The following DPYSL3 variants were observed in gnomAD, a reference collection of about 807,000 sequenced individuals.
DPYSL3 encodes the protein dihydropyrimidinase like 3, also known as dihydropyrimidinase-related protein 3.
A neutral mutation model predicts 66.1 loss-of-function variants in DPYSL3; 16 were observed. The ratio of observed to expected loss-of-function variants is 0.24; its 90% CI spans 0.16 to 0.37. The LOEUF is 0.37. DPYSL3 is among the 10% of genes least tolerant of loss of function. DPYSL3 has a pLI of 1.00. For synonymous variants in DPYSL3, 338 were observed against 345.1 expected (o/e 0.98, Z 0.23); for missense variants, 738 against 916.2 (o/e 0.81, Z 2.51).
At chr5:147,394,334 G>A (rs1300735718) in intron 13 of DPYSL3, among the ~76,000 whole-genome samples, 2 of 152,188 alleles carry the variant, frequency 1.3e-5, no homozygotes, top group Non-Finnish European at 2.9e-5. Flanking sequence ...GAAAAGCCAA[G>A]TTCTTATCTA....
chr5:147,487,529 G>C (rs775164311), intron 1 of DPYSL3, among the ~76,000 whole-genome samples: 2 of 152,066 alleles, frequency 1.3e-5, no homozygotes, highest in Non-Finnish European at 2.9e-5. Context: ...TTTTATTCAA[G>C]ACCAGGAGTT....
At chr5:147,465,924 C>T (rs1753002418) in intron 1 of DPYSL3, among the ~76,000 whole-genome samples, 4 of 152,188 alleles carry the variant, frequency 2.6e-5, no homozygotes, top group Admixed American at 1.3e-4. Flanking sequence ...GAATAAACTT[C>T]CTTCATCCTA....
intron 1 of DPYSL3, among the ~76,000 whole-genome samples, chr5:147,441,210 TAC>T (rs1346060134): frequency 1.3e-5 from 2 of 152,206 alleles, no homozygotes. Context: ...CATAACAAAG[TAC>T]CACAGGCTGA....
At chr5:147,508,871 A>C (rs1054272675) in intron 1 of DPYSL3, among the ~76,000 whole-genome samples, 1 of 152,140 alleles carries the variant, frequency 6.6e-6, no homozygotes, top group African/African-American at 2.4e-5. Context: ...ACAAACACAG[A>C]TGTGAAATGC....
chr5:147,461,958 G>A (rs980446346), intron 1 of DPYSL3, among the ~76,000 whole-genome samples: 4 of 152,124 alleles, frequency 2.6e-5, no homozygotes, highest in Non-Finnish European at 4.4e-5. Context: ...AAGATAGAGA[G>A]TAAATCAAAA....
At chr5:147,500,613 CAA>C (rs755104191) in intron 1 of DPYSL3, among the ~76,000 whole-genome samples, 4 of 57,278 alleles carry the variant, frequency 7.0e-5, no homozygotes, top group Admixed American at 1.8e-4. Flanking sequence ...GACTCCATCT[CAA>C]AAAAAAAAAA....
intron 13 of DPYSL3, among the ~76,000 whole-genome samples, chr5:147,394,854 T>C (rs1249346455): frequency 6.6e-6 from 1 of 152,210 alleles, no homozygotes; most frequent in Non-Finnish European, 1.5e-5. Flanking sequence ...CCTTTCCTCA[T>C]ATGCTGTAAT....
chr5:147,405,559 G>C (rs1337947385), intron 8 of DPYSL3, 51 bp downstream of exon 8: 1 of 1,562,054 alleles, frequency 6.4e-7, no homozygotes, highest in East Asian at 2.3e-5. Context: ...AGAGAGGGAA[G>C]GAGCCACACA....
At chr5:147,455,910 T>TTGTGTG (rs72112283) in intron 1 of DPYSL3, among the ~76,000 whole-genome samples, 236 of 148,544 alleles carry the variant, frequency 1.6e-3, no homozygotes, top group Middle Eastern at 3.4e-3. Context: ...GATCACTTGA[T>TTGTGTG]TGTGTGTGTG....
intron 1 of DPYSL3, among the ~76,000 whole-genome samples, chr5:147,456,383 G>A (rs1752852749): frequency 6.6e-6 from 1 of 152,142 alleles, no homozygotes; most frequent in Admixed American, 6.5e-5. Flanking sequence ...GGAAGATGTA[G>A]AAATAGACTT....
intron 1 of DPYSL3, among the ~76,000 whole-genome samples, chr5:147,476,100 A>C (rs867425986): frequency 2.4e-4 from 36 of 152,154 alleles, no homozygotes; most frequent in African/African-American, 8.0e-4. Flanking sequence ...CTCATATAGC[A>C]AGTAAGTGGT....
intron 3 of DPYSL3, among the ~76,000 whole-genome samples, chr5:147,418,223 G>A (rs1344588871): frequency 1.3e-5 from 2 of 152,192 alleles, no homozygotes; most frequent in Non-Finnish European, 2.9e-5. Flanking sequence ...GTAGACAAGA[G>A]GGCAGGTGCT....
chr5:147,454,979 C>A (rs1045113932), intron 1 of DPYSL3, among the ~76,000 whole-genome samples: 1 of 152,048 alleles, frequency 6.6e-6, no homozygotes, highest in Admixed American at 6.6e-5. Context: ...AATTATAAAA[C>A]CCTTTGAAGA....
chr5:147,502,376 T>TACACACACACACAC (rs10561693), intron 1 of DPYSL3, among the ~76,000 whole-genome samples: 8 of 149,508 alleles, frequency 5.4e-5, no homozygotes, highest in African/African-American at 2.0e-4. Context: ...ATGTCACAGA[T>TACACACACACACAC]ACACACACAC....
At chr5:147,493,630 G>A (rs1487093035) in intron 1 of DPYSL3, among the ~76,000 whole-genome samples, 1 of 152,058 alleles carries the variant, frequency 6.6e-6, no homozygotes, top group African/African-American at 2.4e-5. Context: ...AAAATGGACA[G>A]ATCCAGCAGA....
chr5:147,497,297 G>A (rs1304923280), intron 1 of DPYSL3, among the ~76,000 whole-genome samples: 2 of 151,810 alleles, frequency 1.3e-5, no homozygotes, highest in Non-Finnish European at 2.9e-5. Context: ...TATACCTAAT[G>A]CTAAATGACG....
rs1752016104 is a variant in DPYSL3, at chr5:147,418,484, C to A, written c.618G>T (p.Gly206=). Reference sequence around the variant, plus strand: ...TGCCACCTGCTAAGGCCGCCTTTGTCCCTTGGAAGAAGTCATCTACTGTGG... The same window carrying A: ...TGCCACCTGCTAAGGCCGCCTTTGTACCTTGGAAGAAGTCATCTACTGTGG... ...GMTTVDDFFQ[G]TKAALAGGTT... is the part of the protein sequence containing the mutation. Residue 206 remains glycine, a synonymous_variant, in exon 3 of 14, where the codon GGG becomes GGT. Transcript: ENST00000343218. 1 of 1,612,502 alleles carries A rather than the reference C, an allele frequency of 6.2e-7. No individual in the cohort carries two copies. The highest frequency in any genetic ancestry group is 1.3e-5 in the African/African-American group (1 of 74,856).
intron 8 of DPYSL3, among the ~76,000 whole-genome samples, chr5:147,402,284 G>A (rs551407852): frequency 6.6e-6 from 1 of 151,878 alleles, no homozygotes; most frequent in East Asian, 1.9e-4. Flanking sequence ...CCATTATAAT[G>A]ATATGCTTTG....
chr5:147,509,210 A>T lies in DPYSL3; in HGVS notation c.381+268T>A, dbSNP rs1049622812. 6.6e-6 allele frequency among the ~76,000 whole-genome samples: 1 copy of T among 152,104 alleles called. No homozygotes were observed. The highest frequency in any genetic ancestry group is 1.5e-5 in the Non-Finnish European group (1 of 68,008). ...GACCGGATGGCCCAGGAGTGCGGCG[A>T]GGAGGCAGGGGCAAAGGACGCGGCT... On this transcript the variant is annotated intron_variant, in intron 1 of 13. Coordinates refer to ENST00000343218, the MANE Select transcript of DPYSL3 (RefSeq NM_001197294.2). This position sits in a 1 kb window ranked among gnomAD's most constrained non-coding sequence, Gnocchi z 5.3.
Sources: allele counts gnomAD v4.1 joint callset (sites outside exome capture counted in the v4.1 genomes callset), GRCh38; gene constraint gnomAD v4.1.1; non-coding constraint Gnocchi (gnomAD v3.1); transcripts MANE v1.5; gene names NCBI Gene and HGNC (gene_info 2026-07-23, HGNC 2026-07-21).